The following ATXN3 variants were observed in gnomAD, a reference collection of about 807,000 sequenced individuals.
The protein encoded by ATXN3 is ataxin-3.
A neutral mutation model predicts 58.2 loss-of-function variants in ATXN3; 28 were observed. That is an observed-to-expected ratio of 0.48 (90% CI 0.36 to 0.66). The LOEUF is 0.66. ATXN3 is among the 30% of genes least tolerant of loss of function. The pLI, the probability that ATXN3 is intolerant of heterozygous loss-of-function variation, is 0.00. For synonymous variants in ATXN3, 113 were observed against 138.5 expected (o/e 0.82, Z 1.29); for missense variants, 321 against 422.1 (o/e 0.76, Z 2.10).
intron 6 of ATXN3, 99 bp downstream of exon 6, chr14:92,088,631 C>T: frequency 1.2e-6 from 1 of 838,754 alleles, no homozygotes; most frequent in Non-Finnish European, 2.0e-6. Context: ...GTTTCACTGC[C>T]ACTGCCAGAA....
chr14:92,080,603 G>A, intron 9 of ATXN3: 2 of 304,182 alleles, frequency 6.6e-6, no homozygotes, highest in Non-Finnish European at 1.3e-5. Context: ...GTGCGATCTC[G>A]GCTCACTGCA....
chr14:92,086,858 G>A (rs1187212218), intron 6 of ATXN3, among the ~76,000 whole-genome samples: 2 of 152,022 alleles, frequency 1.3e-5, no homozygotes, highest in East Asian at 1.9e-4. Flanking sequence ...AGAGTGGAGA[G>A]ATGAAAGCAG....
downstream of ATXN3, chr14:92,058,491 C>T (rs1452310557): frequency 6.6e-6 from 1 of 152,084 alleles, no homozygotes; most frequent in Non-Finnish European, 1.5e-5. Context: ...GCCACCAAGC[C>T]CAGCTCTAAT....
At chr14:92,104,960 G>A (rs1425614870) in intron 1 of ATXN3, among the ~76,000 whole-genome samples, 1 of 148,496 alleles carries the variant, frequency 6.7e-6, no homozygotes, top group Admixed American at 6.7e-5. Flanking sequence ...TATTTTTCAC[G>A]CACTCTACTC....
chr14:92,052,341 A>C (rs1172985041), upstream of ATXN3, among the ~76,000 whole-genome samples: 1 of 151,894 alleles, frequency 6.6e-6, no homozygotes, highest in African/African-American at 2.4e-5. Context: ...CTAAAAATAC[A>C]AAATTAGCTG....
chr14:92,048,388 G>C (rs756799172), intron 1 of ATXN3, among the ~76,000 whole-genome samples: 1 of 152,168 alleles, frequency 6.6e-6, no homozygotes, highest in African/African-American at 2.4e-5. Flanking sequence ...TTTGAGGGCC[G>C]GAATCTAATT....
chr14:92,093,515 A>G, intron 4 of ATXN3, 197 bp from the exon 5 acceptor site: 2 of 621,928 alleles, frequency 3.2e-6, no homozygotes, highest in Middle Eastern at 4.4e-4. Context: ...AGATGGCCTC[A>G]TGCACCACTT....
intron 2 of ATXN3, 57 bp downstream of exon 2, chr14:92,096,617 C>T (rs2065313669): frequency 6.7e-7 from 1 of 1,481,988 alleles, no homozygotes; most frequent in African/African-American, 1.5e-5. Flanking sequence ...GGGCGAGACT[C>T]CGTCTCAAAA....
rs781702814 is a variant in ATXN3 at position 92,083,205 on chromosome 14, G to A, written c.529C>T (p.Leu177Phe). Residue 177 changes from leucine (L) to phenylalanine (F), a missense_variant, in exon 7 of 11, where the codon CTC becomes TTC. Leu to Phe is a conservative substitution (Grantham distance 22, BLOSUM62 0). This residue lies in a region of ATXN3 where 200 missense variants were observed against 223.2 expected (regional missense o/e 0.90). Coordinates refer to ENST00000644486, the MANE Select transcript of ATXN3 (RefSeq NM_004993.6). ...TGTTGGACCCTAATCATCTGCAGGA[G>A]TTGGTCAGCTTCGCAATCTGGCAGA... Reference protein sequence around the residue: ...GDLPDCEADQLLQMIRVQQMH... With the variant: ...GDLPDCEADQFLQMIRVQQMH... 1 of 1,613,580 alleles carries A rather than the reference G, an allele frequency of 6.2e-7. No homozygotes were observed. The highest frequency in any genetic ancestry group is 8.5e-7 in the Non-Finnish European group (1 of 1,179,908).
intron 1 of ATXN3, among the ~76,000 whole-genome samples, chr14:92,098,327 C>T (rs1007958587): frequency 6.6e-6 from 1 of 152,108 alleles, no homozygotes; most frequent in Non-Finnish European, 1.5e-5. Flanking sequence ...GTGGCTCACA[C>T]CTGTAATCCC....
rs762077144 is a variant in ATXN3, at chr14:92,106,564, T to C, written c.-12A>G. On this transcript the variant is annotated 5_prime_UTR_variant, in exon 1 of 11. Transcript: ENST00000644486. ...AAGATGGACTCCATGTTTATTTGTC[T>C]GGAGCCAACGGCCCCCACGCCGAAC... 1.2e-6 allele frequency: 2 copies of C among 1,612,624 alleles called. No homozygotes were observed. Among genetic ancestry groups the C allele is most frequent in the South Asian group, 1.1e-5 (1 of 91,038 alleles).
intron 9 of ATXN3, among the ~76,000 whole-genome samples, chr14:92,079,684 G>T (rs2061087704): frequency 6.6e-6 from 1 of 152,160 alleles, no homozygotes; most frequent in South Asian, 2.1e-4. Flanking sequence ...TCTGTTTTCT[G>T]ACCTAGGATC....
chr14:92,083,076 C>A (rs201815350), intron 7 of ATXN3, 50 bp downstream of exon 7: 6 of 1,549,430 alleles, frequency 3.9e-6, no homozygotes, highest in East Asian at 4.5e-5. Context: ...AAATTTAATT[C>A]TCATAATGAA....
chr14:92,096,178 G>A (rs1446729094), intron 2 of ATXN3, 41 bp from the exon 3 acceptor site: 2 of 1,591,080 alleles, frequency 1.3e-6, no homozygotes, highest in South Asian at 1.1e-5. Flanking sequence ...GGTGGGGGTG[G>A]GGAAAGAAGG....
downstream of ATXN3, among the ~76,000 whole-genome samples, chr14:92,057,126 A>G (rs2057475313): frequency 6.6e-6 from 1 of 152,196 alleles, no homozygotes; most frequent in Non-Finnish European, 1.5e-5. Flanking sequence ...CTTGTTTAGC[A>G]TATCATCAAG....
intron 6 of ATXN3, among the ~76,000 whole-genome samples, chr14:92,086,825 G>C (rs916629570): frequency 1.4e-4 from 9 of 62,802 alleles, no homozygotes; most frequent in East Asian, 1.2e-3. Context: ...ACAAAAAAAG[G>C]GGGGGGGAAC....
chr14:92,074,709 C>A (rs2060040618), intron 9 of ATXN3, among the ~76,000 whole-genome samples: 1 of 152,164 alleles, frequency 6.6e-6, no homozygotes, highest in Non-Finnish European at 1.5e-5. Context: ...TTTAAAACAT[C>A]CCCAGTAGTT....
At position 92,062,114 on chromosome 14, in the gene ATXN3, G is replaced by A. The variant is rs901778618; in HGVS notation, c.*2206C>T. On this transcript the variant is annotated 3_prime_UTR_variant, in exon 11 of 11. Coordinates refer to ENST00000644486, the MANE Select transcript of ATXN3 (RefSeq NM_004993.6). ...TCTACCAAAAATACAAAAATCTGCC[G>A]GGTGTGGTGGTGGGCGCCTGTAATC... The A allele has an allele frequency of 2.3e-4, 35 of 152,142 alleles. No individual in the cohort carries two copies. Among genetic ancestry groups the A allele is most frequent in the African/African-American group, 8.0e-4 (33 of 41,410 alleles). The allele number at this position is 152,142 out of a possible 1,614,324, so 9.4% of individuals were successfully genotyped here. A position where few individuals can be genotyped will look rare whatever the true frequency, so the allele number is the denominator to read the frequency against.
chr14:92,073,082 C>A (rs1320917294), intron 9 of ATXN3, among the ~76,000 whole-genome samples: 1 of 152,218 alleles, frequency 6.6e-6, no homozygotes, highest in Non-Finnish European at 1.5e-5. Flanking sequence ...CCTGGCACAT[C>A]TGCTATCACT....
Sources: allele counts gnomAD v4.1 joint callset (sites outside exome capture counted in the v4.1 genomes callset), GRCh38; gene constraint gnomAD v4.1.1; regional missense constraint gnomAD v4.1.1; transcripts MANE v1.5; gene names NCBI Gene and HGNC (gene_info 2026-07-23, HGNC 2026-07-21).